The following SLC35F3 variants were observed in gnomAD, a reference collection of about 807,000 sequenced individuals.
SLC35F3 encodes solute carrier family 35 member F3, also known as putative thiamine transporter SLC35F3.
In SLC35F3, 25 loss-of-function variants were observed where a neutral mutation model predicts 49.9. The ratio of observed to expected loss-of-function variants is 0.50; its 90% CI spans 0.37 to 0.70. The LOEUF (loss-of-function observed/expected upper bound fraction) is 0.70, where lower values mean the gene tolerates loss of function less well. Among genes scored for constraint, SLC35F3 ranks in the 30% least tolerant of loss-of-function variants. The pLI, the probability that SLC35F3 is intolerant of heterozygous loss-of-function variation, is 0.00. For synonymous variants in SLC35F3, 275 were observed against 265.4 expected (o/e 1.04, Z -0.35); for missense variants, 525 against 639.8 (o/e 0.82, Z 1.94).
At chr1:234,069,060 TATAA>T (rs1558220514) in intron 2 of SLC35F3, among the ~76,000 whole-genome samples, 10 of 88,942 alleles carry the variant, frequency 1.1e-4, no homozygotes, top group Non-Finnish European at 2.1e-5. Context: ...TAATATATAT[TATAA>T]TATATATTAT....
intron 2 of SLC35F3, among the ~76,000 whole-genome samples, chr1:234,057,816 C>T (rs2102860833): frequency 6.6e-6 from 1 of 152,274 alleles, no homozygotes; most frequent in African/African-American, 2.4e-5. Flanking sequence ...TGCAATTCTC[C>T]TGCCTCAGCC....
At chr1:234,247,891 G>GTTTGGTGGGTTGGTTGGTTGGTCCA (rs1187561733) in intron 3 of SLC35F3, among the ~76,000 whole-genome samples, 30 of 11,714 alleles carry the variant, frequency 2.6e-3, no homozygotes, top group Non-Finnish European at 3.3e-3. Flanking sequence ...TGGCTGGTCC[G>GTTTGGTGGGTTGGTTGGTTGGTCCA]TTGTTTGGTG....
chr1:234,081,583 C>G (rs1253549630), intron 2 of SLC35F3, among the ~76,000 whole-genome samples: 1 of 152,164 alleles, frequency 6.6e-6, no homozygotes, highest in Non-Finnish European at 1.5e-5. Context: ...CTGGAGTTAC[C>G]TATTCAACCC....
intron 2 of SLC35F3, among the ~76,000 whole-genome samples, chr1:234,047,130 G>A (rs931433406): frequency 1.3e-5 from 2 of 152,148 alleles, no homozygotes; most frequent in African/African-American, 4.8e-5. Flanking sequence ...ATATTCTTCT[G>A]AGGGAAAAGT....
intron 2 of SLC35F3, among the ~76,000 whole-genome samples, chr1:233,926,606 T>G (rs1041771479): frequency 7.2e-5 from 11 of 152,156 alleles, no homozygotes; most frequent in Admixed American, 7.2e-4. Flanking sequence ...AGAAGTTTGT[T>G]ATTACCGATC....
chr1:234,001,967 CAA>C (rs1265665394), intron 2 of SLC35F3, among the ~76,000 whole-genome samples: 1 of 152,154 alleles, frequency 6.6e-6, no homozygotes, highest in Non-Finnish European at 1.5e-5. Flanking sequence ...TCCATTTAAA[CAA>C]GTGTGTTTGC....
At chr1:234,256,398 A>T (rs1404235873) in intron 3 of SLC35F3, among the ~76,000 whole-genome samples, 4 of 152,176 alleles carry the variant, frequency 2.6e-5, no homozygotes, top group Non-Finnish European at 5.9e-5. Context: ...CTGAATTTTC[A>T]GCTATGATGG....
At position 234,316,741 on chromosome 1, in the gene SLC35F3, G is replaced by A. The variant is rs777714266; in HGVS notation, c.954+14G>A. 5 of 1,590,088 alleles carry A rather than the reference G, an allele frequency of 3.1e-6. No homozygotes were observed. The African/African-American group carries it at 5.4e-5, about 17-fold the overall frequency. On this transcript the variant is annotated intron_variant, in intron 5 of 7. Transcript: ENST00000366618. ...GCCCTCTACAAGGTACGCCCGGGGA[G>A]TGAACTTTCTCAGCTGGCTGGGCTC...
rs189426873 is a variant in SLC35F3 at position 234,052,264 on chromosome 1, G to A, written c.283+146506G>A. On this transcript the variant is annotated intron_variant, in intron 2 of 7. Coordinates refer to ENST00000366618, the MANE Select transcript of SLC35F3 (RefSeq NM_173508.4). ...TAGAATTTGGCTGTGAATCCGTCTG[G>A]TCCTGGACTTTTTTTGTTGGTATGC... Among the ~76,000 whole-genome samples, 779 of 152,298 alleles carry A rather than the reference G, an allele frequency of 5.1e-3. 9 individuals carry two copies. Among genetic ancestry groups the A allele is most frequent in the African/African-American group, 0.017 (716 of 41,544 alleles).
chr1:234,261,031 C>T (rs962825189), intron 3 of SLC35F3, among the ~76,000 whole-genome samples: 3 of 151,794 alleles, frequency 2.0e-5, no homozygotes, highest in African/African-American at 7.3e-5. Flanking sequence ...ATTCTTTTTC[C>T]CTTAAAAATG....
chr1:234,267,497 C>G (rs1160255603), intron 3 of SLC35F3, among the ~76,000 whole-genome samples: 1 of 147,342 alleles, frequency 6.8e-6, no homozygotes, highest in Admixed American at 6.7e-5. Flanking sequence ...GGCGGCTGGC[C>G]GGGCGGGGGG....
At chr1:234,071,790 T>G (rs1395065555) in intron 2 of SLC35F3, among the ~76,000 whole-genome samples, 2 of 152,240 alleles carry the variant, frequency 1.3e-5, no homozygotes, top group Non-Finnish European at 2.9e-5. Context: ...CCTATTGGCA[T>G]GCCTCGTTAA....
At chr1:234,104,689 G>T (rs917076305) in intron 2 of SLC35F3, among the ~76,000 whole-genome samples, 1 of 152,182 alleles carries the variant, frequency 6.6e-6, no homozygotes, top group Admixed American at 6.5e-5. Context: ...AGAAAGAGTG[G>T]TGCATCTCAA....
intron 2 of SLC35F3, among the ~76,000 whole-genome samples, chr1:234,168,693 C>G (rs1666353430): frequency 1.3e-5 from 2 of 152,214 alleles, no homozygotes; most frequent in African/African-American, 4.8e-5. Flanking sequence ...ATTTGCTATG[C>G]CCAGCAGAAC....
At chr1:234,064,922 CA>C (rs1399011794) in intron 2 of SLC35F3, among the ~76,000 whole-genome samples, 1 of 152,110 alleles carries the variant, frequency 6.6e-6, no homozygotes, top group African/African-American at 2.4e-5. Context: ...GGGTCATGAT[CA>C]AAGTACTGAA....
intron 2 of SLC35F3, among the ~76,000 whole-genome samples, chr1:234,126,029 C>G (rs1665642589): frequency 6.6e-6 from 1 of 152,172 alleles, no homozygotes; most frequent in South Asian, 2.1e-4. Context: ...CATTCAAGTC[C>G]CTGGTGAATG....
intron 2 of SLC35F3, among the ~76,000 whole-genome samples, chr1:234,119,990 T>A (rs1665548273): frequency 6.6e-6 from 1 of 152,208 alleles, no homozygotes; most frequent in African/African-American, 2.4e-5. Context: ...CCTTTGTGGC[T>A]TCATGGCACC....
chr1:233,995,575 G>A (rs2102829419), intron 2 of SLC35F3, among the ~76,000 whole-genome samples: 1 of 152,298 alleles, frequency 6.6e-6, no homozygotes, highest in Non-Finnish European at 1.5e-5. Flanking sequence ...AGTCAGCCAG[G>A]CAGTCAGCAT....
intron 2 of SLC35F3, chr1:234,026,708 C>T (rs891027083): frequency 5.5e-5 from 8 of 146,512 alleles, no homozygotes; most frequent in African/African-American, 2.2e-4. Flanking sequence ...CAGAGCAAGA[C>T]CTTGGCTCCA....
Sources: allele counts gnomAD v4.1 joint callset (sites outside exome capture counted in the v4.1 genomes callset), GRCh38; gene constraint gnomAD v4.1.1; transcripts MANE v1.5; gene names NCBI Gene and HGNC (gene_info 2026-07-23, HGNC 2026-07-21).